Variants in GRIK2 observed in about 807,000 individuals in gnomAD.
GRIK2 encodes the protein glutamate ionotropic receptor kainate type subunit 2.
In GRIK2, 32 loss-of-function variants were observed where a neutral mutation model predicts 100.3. That is an observed-to-expected ratio of 0.32 (90% CI 0.24 to 0.43). The LOEUF is 0.43. Among genes scored for constraint, GRIK2 ranks in the 20% least tolerant of loss-of-function variants. The pLI is 1.00. For missense variants in GRIK2, 843 were observed against 1,114.9 expected (o/e 0.76, Z 3.47); for synonymous variants, 417 against 389.4 (o/e 1.07, Z -0.83).
chr6:101,653,709 A>G (rs1442637630), intron 4 of GRIK2, among the ~76,000 whole-genome samples: 1 of 150,680 alleles, frequency 6.6e-6, no homozygotes, highest in Admixed American at 6.6e-5. Context: ...TGAAATCTCC[A>G]CTTCCTAGGT....
intron 4 of GRIK2, among the ~76,000 whole-genome samples, chr6:101,649,456 T>C (rs1220654050): frequency 6.6e-6 from 1 of 152,038 alleles, no homozygotes; most frequent in East Asian, 1.9e-4. Flanking sequence ...GTTGGAGTAA[T>C]ATTAAACATG....
chr6:101,485,341 C>T (rs1772763137), intron 2 of GRIK2, among the ~76,000 whole-genome samples: 1 of 152,092 alleles, frequency 6.6e-6, no homozygotes. Flanking sequence ...CCAGTCCAGT[C>T]CAGCATTTCT....
rs574633024 is a variant in GRIK2, at chr6:101,701,138, CTGTT to C, written c.951+14791_951+14794del. Among the ~76,000 whole-genome samples, 5 of 152,156 alleles carry C rather than the reference CTGTT, an allele frequency of 3.3e-5. No individual in the cohort carries two copies. The South Asian group carries it at 8.3e-4, about 25-fold the overall frequency. On this transcript the variant is annotated intron_variant, in intron 7 of 16. Coordinates refer to ENST00000369134, the MANE Select transcript of GRIK2 (RefSeq NM_021956.5). ...CTCATTTCTATAATGACTCAGTTTT[CTGTT>C]TGTTTCAGAAATGGAGAAAAAAATT... is the stretch of plus-strand genomic sequence containing the variant.
intron 2 of GRIK2, among the ~76,000 whole-genome samples, chr6:101,448,581 A>C (rs1446732725): frequency 6.6e-6 from 1 of 151,596 alleles, no homozygotes. Context: ...CTTGCAACAT[A>C]TATTTAGTCA....
At chr6:101,848,723 T>C (rs1783947212) in intron 10 of GRIK2, among the ~76,000 whole-genome samples, 1 of 152,066 alleles carries the variant, frequency 6.6e-6, no homozygotes, top group African/African-American at 2.4e-5. Flanking sequence ...AACATGCCAA[T>C]CAAACACATA....
At chr6:101,615,872 A>G (rs1286817434) in intron 2 of GRIK2, among the ~76,000 whole-genome samples, 3 of 151,884 alleles carry the variant, frequency 2.0e-5, no homozygotes, top group African/African-American at 4.8e-5. Flanking sequence ...AATTATAAAA[A>G]CCAGCTGAGA....
intron 2 of GRIK2, among the ~76,000 whole-genome samples, chr6:101,545,849 T>C (rs1776204120): frequency 6.6e-6 from 1 of 152,188 alleles, no homozygotes; most frequent in Non-Finnish European, 1.5e-5. Context: ...ATTAGCTGTA[T>C]TATACATCTG....
intron 14 of GRIK2, among the ~76,000 whole-genome samples, chr6:102,002,260 A>ATG (rs1024158120): frequency 2.0e-5 from 3 of 148,872 alleles, no homozygotes; most frequent in Non-Finnish European, 4.5e-5. Context: ...TGCCTGGATT[A>ATG]TGTGTGTGTG....
At chr6:101,909,356 C>A (rs540986629) in intron 12 of GRIK2, among the ~76,000 whole-genome samples, 1 of 118,352 alleles carries the variant, frequency 8.4e-6, no homozygotes, top group Admixed American at 1.0e-4. Flanking sequence ...TTTTTGGATG[C>A]TGAAGGAAGA....
intron 2 of GRIK2, among the ~76,000 whole-genome samples, chr6:101,591,342 T>C (rs1582784409): frequency 6.6e-6 from 1 of 151,868 alleles, no homozygotes; most frequent in East Asian, 1.9e-4. Flanking sequence ...GCTCAGGTCA[T>C]GATTCTTTCC....
chr6:101,835,393 A>C (rs1408335197), intron 10 of GRIK2, among the ~76,000 whole-genome samples: 1 of 150,242 alleles, frequency 6.7e-6, no homozygotes, highest in African/African-American at 2.5e-5. Context: ...TCATTCCTTC[A>C]TCCTCCAAAA....
chr6:101,574,876 A>G (rs910686738), intron 2 of GRIK2, among the ~76,000 whole-genome samples: 2 of 151,814 alleles, frequency 1.3e-5, no homozygotes, highest in Non-Finnish European at 2.9e-5. Context: ...AATTTAGAAT[A>G]ATATATTTAA....
At chr6:101,731,857 C>G (rs909447777) in intron 7 of GRIK2, among the ~76,000 whole-genome samples, 9 of 151,862 alleles carry the variant, frequency 5.9e-5, no homozygotes, top group African/African-American at 1.9e-4. Context: ...AAACTGTATC[C>G]CATAGAACCA....
At chr6:101,437,265 G>A (rs1261278787) in intron 2 of GRIK2, among the ~76,000 whole-genome samples, 6 of 152,020 alleles carry the variant, frequency 3.9e-5, no homozygotes, top group Non-Finnish European at 7.4e-5. Flanking sequence ...TAGCAAAAAT[G>A]TCCTGCTGCA....
intron 12 of GRIK2, among the ~76,000 whole-genome samples, chr6:101,920,499 G>T (rs919834816): frequency 6.6e-6 from 1 of 151,776 alleles, no homozygotes; most frequent in Admixed American, 6.6e-5. Flanking sequence ...AGTTTTAGCT[G>T]GGCATCAATG....
chr6:101,737,354 T>C (rs1043504705), intron 7 of GRIK2, among the ~76,000 whole-genome samples: 2 of 152,216 alleles, frequency 1.3e-5, no homozygotes, highest in South Asian at 4.1e-4. Flanking sequence ...GGCTGGTCAA[T>C]TTACAAAAGA....
intron 2 of GRIK2, among the ~76,000 whole-genome samples, chr6:101,408,768 T>C (rs1775724805): frequency 6.6e-6 from 1 of 152,024 alleles, no homozygotes; most frequent in Non-Finnish European, 1.5e-5. Context: ...GCTAATTTCA[T>C]ACCAGAACAC....
Position 101,526,310 on chromosome 6 carries a change from T to G in GRIK2, c.116-95639T>G, listed in dbSNP as rs571111821. Among the ~76,000 whole-genome samples the G allele has an allele frequency of 1.6e-4, 25 of 152,324 alleles. No individual in the cohort carries two copies. In the East Asian group the frequency reaches 4.6e-3, roughly 28 times the overall value. ...AGGACTTTTAAAACCTGATACTAAT[T>G]GATAGAATTTTTAAAAATAGAAATT... On this transcript the variant is annotated intron_variant, in intron 2 of 16. Transcript: ENST00000369134.
At chr6:101,438,521 A>T (rs578208681) in intron 2 of GRIK2, among the ~76,000 whole-genome samples, 1 of 152,200 alleles carries the variant, frequency 6.6e-6, no homozygotes, top group East Asian at 1.9e-4. Context: ...TGGAATATAT[A>T]TTGGAAACTC....
Sources: gnomAD v4.1 joint callset for allele counts (sites outside exome capture counted in the v4.1 genomes callset) on GRCh38, gnomAD v4.1.1 for gene constraint, MANE v1.5 for transcripts, NCBI Gene and HGNC (gene_info 2026-07-23, HGNC 2026-07-21) for gene names.